The following ARPC1A variants were observed in gnomAD, a reference collection of about 807,000 sequenced individuals.
ARPC1A encodes the protein actin related protein 2/3 complex subunit 1A, also known as actin-related protein 2/3 complex subunit 1A.
ARPC1A carries 8 observed loss-of-function variants against 46.9 expected under a neutral mutation model. The ratio of observed to expected loss-of-function variants is 0.17; its 90% CI spans 0.10 to 0.31. The LOEUF (loss-of-function observed/expected upper bound fraction) is 0.31. Among genes scored for constraint, ARPC1A ranks in the 10% least tolerant of loss-of-function variants. The pLI is 1.00. For synonymous variants in ARPC1A, 152 were observed against 169.0 expected, an observed-to-expected ratio of 0.90 and a Z score of 0.78; for missense variants, 286 against 483.6, an observed-to-expected ratio of 0.59 and a Z score of 3.83.
chr7:99,342,478 G>A (rs542789875), intron 3 of ARPC1A, among the ~76,000 whole-genome samples: 303 of 151,974 alleles, frequency 2.0e-3, no homozygotes, highest in Non-Finnish European at 3.6e-3. Context: ...CTGGGAGGTT[G>A]AGGCTGCAGT....
intron 3 of ARPC1A, among the ~76,000 whole-genome samples, chr7:99,343,391 G>A (rs754016192): frequency 2.0e-5 from 3 of 151,848 alleles, no homozygotes; most frequent in Non-Finnish European, 4.4e-5. Context: ...GCTTGAACCC[G>A]GGAGGCGGAG....
chr7:99,345,869 T>C (rs896817011), intron 4 of ARPC1A, among the ~76,000 whole-genome samples: 5 of 152,166 alleles, frequency 3.3e-5, no homozygotes, highest in African/African-American at 4.8e-5. Flanking sequence ...TGTAATTTAG[T>C]AAAACTTCAG....
At chr7:99,351,192 A>C (rs1793538248) in intron 5 of ARPC1A, among the ~76,000 whole-genome samples, 2 of 152,080 alleles carry the variant, frequency 1.3e-5, no homozygotes, top group African/African-American at 4.8e-5. Flanking sequence ...GGATTCTTTG[A>C]TGGTTGTGAA....
At chr7:99,362,338 T>TCCCC (rs1300797732) in intron 8 of ARPC1A, among the ~76,000 whole-genome samples, 20 of 124,926 alleles carry the variant, frequency 1.6e-4, no homozygotes, top group African/African-American at 4.0e-4. Context: ...CCGCCCCCCT[T>TCCCC]TTTTTTTTTT....
At chr7:99,347,639 G>A (rs1011734564) in intron 4 of ARPC1A, among the ~76,000 whole-genome samples, 19 of 152,076 alleles carry the variant, frequency 1.2e-4, no homozygotes, top group Admixed American at 3.3e-4. Flanking sequence ...AGGAGGCAGA[G>A]GTTGCAGTGA....
intron 1 of ARPC1A, among the ~76,000 whole-genome samples, chr7:99,328,940 G>A (rs1240116043): frequency 6.6e-6 from 1 of 151,168 alleles, no homozygotes; most frequent in Non-Finnish European, 1.5e-5. Context: ...GACAGAGCAA[G>A]ACCTTGTCTG....
rs539278402 is a variant in ARPC1A, at chr7:99,341,660, T to C, written c.170-2633T>C. On this transcript the variant is annotated intron_variant, in intron 3 of 9. Coordinates refer to ENST00000262942, the MANE Select transcript of ARPC1A (RefSeq NM_006409.4). ...TGGAATTTTAGAATTTAAAAGGAAA[T>C]ACTTTTAAATGAGAAAAGGCAAAGA... 4.2e-5 allele frequency among the ~76,000 whole-genome samples: 6 copies of C among 142,766 alleles called. No homozygotes were observed. In the South Asian group the frequency reaches 1.4e-3, roughly 33 times the overall value. 93.7% of individuals were successfully genotyped at this position (142,766 alleles called of 152,430 possible).
chr7:99,326,491 C>T (rs555891953), intron 1 of ARPC1A, among the ~76,000 whole-genome samples: 28 of 152,288 alleles, frequency 1.8e-4, no homozygotes, highest in African/African-American at 6.5e-4. Context: ...AACCTTCTCC[C>T]GAGTTCTTTT....
chr7:99,363,701 G>C, intron 9 of ARPC1A, 68 bp downstream of exon 9: 2 of 1,153,130 alleles, frequency 1.7e-6, no homozygotes, highest in South Asian at 1.4e-5. Flanking sequence ...TAAGAGATAG[G>C]CTCCTTCTCT....
intron 3 of ARPC1A, among the ~76,000 whole-genome samples, chr7:99,342,226 C>T (rs1047359291): frequency 9.9e-5 from 15 of 152,186 alleles, no homozygotes; most frequent in African/African-American, 3.6e-4. Flanking sequence ...TTTCATATTT[C>T]AGTTTGCATC....
At chr7:99,355,595 T>C in intron 6 of ARPC1A, among the ~76,000 whole-genome samples, 1 of 151,620 alleles carries the variant, frequency 6.6e-6, no homozygotes, top group Non-Finnish European at 1.5e-5. Flanking sequence ...AATACAAAAA[T>C]TAGCCCAGCA....
At chr7:99,359,390 T>G in intron 7 of ARPC1A, 155 bp from the exon 8 acceptor site, 2 of 715,208 alleles carry the variant, frequency 2.8e-6, no homozygotes, top group Non-Finnish European at 4.6e-6. Flanking sequence ...GACCTGAGAT[T>G]GTGCCACTGC....
At chr7:99,353,848 C>A in intron 5 of ARPC1A, 61 bp from the exon 6 acceptor site, 2 of 1,511,070 alleles carry the variant, frequency 1.3e-6, no homozygotes, top group South Asian at 2.3e-5. Flanking sequence ...CTGCCTATGG[C>A]CTGTTTCTAT....
intron 1 of ARPC1A, among the ~76,000 whole-genome samples, chr7:99,329,028 C>A (rs144763923): frequency 6.6e-6 from 1 of 151,696 alleles, no homozygotes; most frequent in Admixed American, 6.6e-5. Flanking sequence ...GGGCAGGGCG[C>A]GGTGGCTCAC....
intron 9 of ARPC1A, among the ~76,000 whole-genome samples, chr7:99,364,730 A>G (rs1310032282): frequency 1.3e-5 from 2 of 152,144 alleles, no homozygotes; most frequent in Admixed American, 6.6e-5. Flanking sequence ...TTAACTATAT[A>G]GATATATATT....
intron 3 of ARPC1A, among the ~76,000 whole-genome samples, chr7:99,342,336 T>G (rs1005522748): frequency 1.3e-5 from 2 of 152,144 alleles, no homozygotes; most frequent in African/African-American, 4.8e-5. Context: ...GCAGATCACT[T>G]GAGCCCTGGA....
intron 1 of ARPC1A, among the ~76,000 whole-genome samples, chr7:99,330,363 G>T (rs781123900): frequency 6.6e-6 from 1 of 151,852 alleles, no homozygotes; most frequent in Non-Finnish European, 1.5e-5. Flanking sequence ...CACCTAGGCT[G>T]CAGTGCAGTG....
At chr7:99,341,795 C>T (rs964189593) in intron 3 of ARPC1A, among the ~76,000 whole-genome samples, 1 of 152,030 alleles carries the variant, frequency 6.6e-6, no homozygotes, top group African/African-American at 2.4e-5. Context: ...TGTCTAGCTG[C>T]TCACATGGCA....
At chr7:99,348,555 A>C (rs1793500238) in intron 4 of ARPC1A, among the ~76,000 whole-genome samples, 1 of 152,150 alleles carries the variant, frequency 6.6e-6, no homozygotes, top group Admixed American at 6.6e-5. Flanking sequence ...AAAAATACAA[A>C]AATTAGCCAG....
Sources: gnomAD v4.1 joint callset for allele counts (sites outside exome capture counted in the v4.1 genomes callset) on GRCh38, gnomAD v4.1.1 for gene constraint, MANE v1.5 for transcripts, NCBI Gene and HGNC (gene_info 2026-07-23, HGNC 2026-07-21) for gene names.